Variants in DSCAM observed in about 807,000 individuals in gnomAD.
DSCAM encodes DS cell adhesion molecule, also known as cell adhesion molecule DSCAM.
A neutral mutation model predicts 217.7 loss-of-function variants in DSCAM; 47 were observed. That is an observed-to-expected ratio of 0.22 (90% CI 0.17 to 0.28). The LOEUF (loss-of-function observed/expected upper bound fraction) is 0.28. Ranked by LOEUF, DSCAM falls within the 10% of genes least tolerant of loss-of-function variation. The probability of loss-of-function intolerance (pLI) is 1.00; values close to 1 mark genes in which losing one functional copy is unlikely to be tolerated. For missense variants in DSCAM, 2,080 were observed against 2,618.3 expected, an observed-to-expected ratio of 0.79 and a Z score of 4.49; for synonymous variants, 1,056 against 1,015.3, an observed-to-expected ratio of 1.04 and a Z score of -0.76.
At chr21:40,097,935 T>G (rs1443075497) in intron 20 of DSCAM, among the ~76,000 whole-genome samples, 3 of 45,360 alleles carry the variant, frequency 6.6e-5, no homozygotes, top group African/African-American at 3.0e-4. Context: ...AGTGAGACTC[T>G]GTCTCAAAAA....
intron 8 of DSCAM, among the ~76,000 whole-genome samples, chr21:40,315,996 T>C (rs952879238): frequency 1.3e-5 from 2 of 152,224 alleles, no homozygotes; most frequent in African/African-American, 2.4e-5. Flanking sequence ...TGGGAGCACA[T>C]TGCCCTTAGT....
chr21:40,187,215 G>A lies in DSCAM; in HGVS notation c.2695C>T (p.Arg899Cys), dbSNP rs763287823. The A allele has an allele frequency of 1.8e-5, 29 of 1,613,940 alleles. No individual in the cohort carries two copies. Among genetic ancestry groups the A allele is most frequent in the East Asian group, 2.2e-5 (1 of 44,890 alleles). Residue 899 changes from arginine (R) to cysteine (C), a missense_variant, in exon 14 of 33, where the codon CGC becomes TGC. Physicochemically the swap from Arg to Cys is radical, Grantham distance 180 (BLOSUM62 -3). Coordinates refer to ENST00000400454, the MANE Select transcript of DSCAM (RefSeq NM_001389.5). ...ATGGTCCACCTGAGCGTAATTGTGC[G>A]TGCTTTGACATCTTTGATCTCAATT... ...PEIEIKDVKA[R>C]TITLRWTMGF...
intron 16 of DSCAM, among the ~76,000 whole-genome samples, chr21:40,145,895 T>C (rs1367650255): frequency 6.6e-6 from 1 of 151,702 alleles, no homozygotes; most frequent in East Asian, 1.9e-4. Flanking sequence ...CTCTAGGGAA[T>C]AAAGGTTTTG....
intron 11 of DSCAM, among the ~76,000 whole-genome samples, chr21:40,258,933 G>T (rs773623376): frequency 2.0e-5 from 3 of 152,216 alleles, no homozygotes; most frequent in Non-Finnish European, 4.4e-5. Context: ...CCTTTGTTTG[G>T]TGTACTCTTG....
intron 17 of DSCAM, among the ~76,000 whole-genome samples, chr21:40,143,519 C>T (rs1323801149): frequency 2.6e-5 from 4 of 152,206 alleles, no homozygotes; most frequent in Admixed American, 2.6e-4. Flanking sequence ...GGGCCGGGCG[C>T]GGTGGCTCAC....
At chr21:40,725,162 TA>T (rs1428411948) in intron 1 of DSCAM, among the ~76,000 whole-genome samples, 1 of 152,194 alleles carries the variant, frequency 6.6e-6, no homozygotes, top group Admixed American at 6.5e-5. Context: ...TCCACAATGT[TA>T]AATCCATTGC....
chr21:40,372,324 T>C (rs913265582), intron 3 of DSCAM, among the ~76,000 whole-genome samples: 1 of 152,244 alleles, frequency 6.6e-6, no homozygotes, highest in African/African-American at 2.4e-5. Context: ...ATACAATTTA[T>C]TGGCAGCAAA....
intron 3 of DSCAM, among the ~76,000 whole-genome samples, chr21:40,598,654 G>A (rs1380579265): frequency 6.6e-6 from 1 of 151,688 alleles, no homozygotes; most frequent in Non-Finnish European, 1.5e-5. Flanking sequence ...ACAGGTGCAC[G>A]CCATGACACC....
chr21:40,375,233 T>C (rs2074938256), intron 3 of DSCAM, among the ~76,000 whole-genome samples: 1 of 152,202 alleles, frequency 6.6e-6, no homozygotes, highest in South Asian at 2.1e-4. Context: ...GATTGTAGCT[T>C]TCAAACTCTC....
chr21:40,099,067 G>A (rs2089718097), intron 20 of DSCAM, among the ~76,000 whole-genome samples: 1 of 152,134 alleles, frequency 6.6e-6, no homozygotes, highest in Non-Finnish European at 1.5e-5. Flanking sequence ...TTAATGATGT[G>A]CAAATTCTAA....
intron 3 of DSCAM, among the ~76,000 whole-genome samples, chr21:40,371,881 G>T (rs1402936638): frequency 1.3e-5 from 2 of 152,148 alleles, no homozygotes; most frequent in African/African-American, 2.4e-5. Context: ...GCCAAGGTCT[G>T]ATTGCAAAAA....
At chr21:40,497,494 G>A (rs1301773055) in intron 3 of DSCAM, among the ~76,000 whole-genome samples, 4 of 151,978 alleles carry the variant, frequency 2.6e-5, no homozygotes, top group Non-Finnish European at 5.9e-5. Context: ...GGGAGATGTT[G>A]GTCAAAGACG....
chr21:40,151,844 G>C (rs1185952205), intron 16 of DSCAM, among the ~76,000 whole-genome samples: 1 of 152,204 alleles, frequency 6.6e-6, no homozygotes, highest in Non-Finnish European at 1.5e-5. Flanking sequence ...AAGGATGACA[G>C]GTTGAGGCAG....
intron 3 of DSCAM, among the ~76,000 whole-genome samples, chr21:40,407,107 T>C (rs548726847): frequency 2.0e-4 from 30 of 152,304 alleles, no homozygotes; most frequent in African/African-American, 6.7e-4. Context: ...ATGTATTGTA[T>C]ACCTGAAAAT....
At chr21:40,191,637 T>C (rs1338947446) in intron 11 of DSCAM, among the ~76,000 whole-genome samples, 1 of 152,240 alleles carries the variant, frequency 6.6e-6, no homozygotes, top group African/African-American at 2.4e-5. Flanking sequence ...AACAAATTAC[T>C]AGAATCTATG....
chr21:40,276,322 G>A (rs763088610), intron 10 of DSCAM, 52 bp from the exon 11 acceptor site: 1 of 1,514,620 alleles, frequency 6.6e-7, no homozygotes, highest in South Asian at 1.3e-5. Context: ...GTAAGTATGG[G>A]AAGACAACGA....
chr21:40,795,642 G>A lies in DSCAM; in HGVS notation c.43+50977C>T, dbSNP rs895334172. ...ACTGGATGCTCAGTACACATCTGTA[G>A]AACAAACGACCCAAGAACAGGCCAT... On this transcript the variant is annotated intron_variant, in intron 1 of 32. Transcript: ENST00000400454. Among the ~76,000 whole-genome samples, 3 of 152,256 alleles carry A rather than the reference G, an allele frequency of 2.0e-5. No individual in the cohort carries two copies. In the South Asian group the frequency reaches 6.2e-4, roughly 32 times the overall value.
At chr21:40,427,169 TG>T (rs2075482658) in intron 3 of DSCAM, among the ~76,000 whole-genome samples, 1 of 152,224 alleles carries the variant, frequency 6.6e-6, no homozygotes, top group Admixed American at 6.5e-5. Flanking sequence ...ACTGCTGCTC[TG>T]GTCATGGACC....
chr21:40,260,764 T>C (rs1401954929), intron 11 of DSCAM, among the ~76,000 whole-genome samples: 2 of 152,238 alleles, frequency 1.3e-5, no homozygotes, highest in African/African-American at 2.4e-5. Flanking sequence ...AAAGCACTTA[T>C]GTGTAGCTTC....
Sources: gnomAD v4.1 joint callset for allele counts (sites outside exome capture counted in the v4.1 genomes callset) on GRCh38, gnomAD v4.1.1 for gene constraint, MANE v1.5 for transcripts, NCBI Gene and HGNC (gene_info 2026-07-23, HGNC 2026-07-21) for gene names.